Variants in ULK4 observed in about 807,000 individuals in gnomAD.
The protein encoded by ULK4 is unc-51 like kinase 4.
A neutral mutation model predicts 160.6 loss-of-function variants in ULK4; 133 were observed. The observed-to-expected ratio is 0.83, with a 90% CI of 0.72 to 0.96. The LOEUF (loss-of-function observed/expected upper bound fraction) is 0.96. Ranked by LOEUF, ULK4 falls within the 40% of genes least tolerant of loss-of-function variation. ULK4 has a pLI of 0.00. For missense variants in ULK4, 1,580 were observed against 1,499.5 expected (o/e 1.05, Z -0.89); for synonymous variants, 534 against 539.8 (o/e 0.99, Z 0.15).
At chr3:41,421,105 A>C (rs1217244210) in intron 34 of ULK4, among the ~76,000 whole-genome samples, 1 of 142,360 alleles carries the variant, frequency 7.0e-6, no homozygotes, top group African/African-American at 2.8e-5. Flanking sequence ...CAAATAAGTG[A>C]GACCCCATCT....
intron 19 of ULK4, among the ~76,000 whole-genome samples, chr3:41,814,699 T>C (rs1245235706): frequency 6.6e-6 from 1 of 152,114 alleles, no homozygotes; most frequent in East Asian, 1.9e-4. Flanking sequence ...TTTCCCTTGG[T>C]TTATTATAAT....
intron 35 of ULK4, among the ~76,000 whole-genome samples, chr3:41,283,457 C>A (rs1213049956): frequency 6.6e-6 from 1 of 152,150 alleles, no homozygotes; most frequent in Non-Finnish European, 1.5e-5. Context: ...CCATGGAATA[C>A]TATGCAGCCA....
At chr3:41,754,636 C>A (rs1313359849) in intron 21 of ULK4, 148 bp from the exon 22 acceptor site, 2 of 628,102 alleles carry the variant, frequency 3.2e-6, no homozygotes, top group Non-Finnish European at 4.7e-6. Context: ...TGTGCCAGAT[C>A]CCATAACTAA....
chr3:41,335,964 C>T (rs1309797249), intron 35 of ULK4, among the ~76,000 whole-genome samples: 3 of 152,196 alleles, frequency 2.0e-5, no homozygotes, highest in Admixed American at 1.3e-4. Context: ...GCCACAGCCA[C>T]AAGCCTGTCC....
At chr3:41,902,781 T>C (rs1252537257) in intron 12 of ULK4, among the ~76,000 whole-genome samples, 1 of 152,188 alleles carries the variant, frequency 6.6e-6, no homozygotes, top group South Asian at 2.1e-4. Flanking sequence ...AACTTAACAT[T>C]GCTGCTTGTT....
chr3:41,839,714 T>C lies in ULK4; in HGVS notation c.1657-3743A>G, dbSNP rs531400634. Among the ~76,000 whole-genome samples, 140 of 152,162 alleles carry C rather than the reference T, an allele frequency of 9.2e-4. 1 individual carries two copies. The highest frequency in any genetic ancestry group is 2.9e-3 in the African/African-American group (119 of 41,544). On this transcript the variant is annotated intron_variant, in intron 17 of 36. Coordinates refer to ENST00000301831, the MANE Select transcript of ULK4 (RefSeq NM_017886.4). ...AAAGAGTCTAAAGAAAAAAACTCCC[T>C]AGAACTAGTGAGTTCTGCAAGGTCA...
chr3:41,421,771 TGAAAATGAACCAGG>T (rs779673959), intron 34 of ULK4, among the ~76,000 whole-genome samples: 20 of 152,190 alleles, frequency 1.3e-4, no homozygotes, highest in Non-Finnish European at 2.6e-4. Context: ...TATAGCTTCA[TGAAAATGAACCAGG>T]AAGCTTTAAC....
chr3:41,890,278 A>G (rs76276404), intron 16 of ULK4, among the ~76,000 whole-genome samples: 18,897 of 152,260 alleles, frequency 0.12, 1,352 homozygotes, highest in Middle Eastern at 0.27. Context: ...AAGAAAATTT[A>G]AAAGAAAAGT....
At chr3:41,738,780 A>G (rs2038139209) in intron 22 of ULK4, among the ~76,000 whole-genome samples, 1 of 151,970 alleles carries the variant, frequency 6.6e-6, no homozygotes, top group African/African-American at 2.4e-5. Flanking sequence ...AAGAGGTAAA[A>G]CATACCACCT....
intron 18 of ULK4, among the ~76,000 whole-genome samples, chr3:41,829,537 T>C (rs1340348768): frequency 6.6e-6 from 1 of 151,816 alleles, no homozygotes; most frequent in Non-Finnish European, 1.5e-5. Flanking sequence ...AAAAGACACA[T>C]GAAAAAATGC....
At chr3:41,470,830 G>A (rs994909093) in intron 32 of ULK4, among the ~76,000 whole-genome samples, 6 of 152,064 alleles carry the variant, frequency 3.9e-5, no homozygotes, top group Non-Finnish European at 8.8e-5. Context: ...AAATAAAAAT[G>A]TATAGTAGAC....
chr3:41,654,685 G>A (rs1164691972), intron 30 of ULK4, among the ~76,000 whole-genome samples: 8 of 152,160 alleles, frequency 5.3e-5, no homozygotes, highest in African/African-American at 9.6e-5. Flanking sequence ...TTATGCTTGC[G>A]TTATCCCGTG....
chr3:41,505,262 C>G (rs1270663122), intron 32 of ULK4, among the ~76,000 whole-genome samples: 1 of 152,070 alleles, frequency 6.6e-6, no homozygotes, highest in Non-Finnish European at 1.5e-5. Flanking sequence ...TTGCGAACAC[C>G]CAGAATCCTC....
intron 25 of ULK4, among the ~76,000 whole-genome samples, chr3:41,709,532 G>A (rs949214880): frequency 2.0e-5 from 3 of 151,988 alleles, no homozygotes; most frequent in Non-Finnish European, 2.9e-5. Flanking sequence ...GACTACAGGC[G>A]CGCGCCACCA....
At chr3:41,946,626 T>A (rs1700119309) in intron 2 of ULK4, among the ~76,000 whole-genome samples, 1 of 152,234 alleles carries the variant, frequency 6.6e-6, no homozygotes, top group Non-Finnish European at 1.5e-5. Context: ...TGGAAAGGCA[T>A]CAGTTTACCA....
intron 32 of ULK4, among the ~76,000 whole-genome samples, chr3:41,474,589 T>C (rs566337311): frequency 6.6e-6 from 1 of 151,540 alleles, no homozygotes; most frequent in South Asian, 2.1e-4. Flanking sequence ...TGAGAGAAAA[T>C]ATGTGCAAGC....
intron 22 of ULK4, among the ~76,000 whole-genome samples, chr3:41,725,942 C>A (rs1204698886): frequency 1.3e-5 from 2 of 152,070 alleles, no homozygotes; most frequent in East Asian, 3.9e-4. Flanking sequence ...TTTGGGAAAT[C>A]CTCTATATCA....
At chr3:41,492,108 C>A (rs9877186) in intron 32 of ULK4, among the ~76,000 whole-genome samples, 57,457 of 144,496 alleles carry the variant, frequency 0.4, 11,993 homozygotes, top group African/African-American at 0.43. Flanking sequence ...ATATGTGACA[C>A]ATTTTCTTAA....
chr3:41,708,403 T>C (rs903641298), intron 25 of ULK4, among the ~76,000 whole-genome samples: 2 of 152,152 alleles, frequency 1.3e-5, no homozygotes, highest in Non-Finnish European at 2.9e-5. Flanking sequence ...GAGAACATTA[T>C]GTAAGTGAAA....
Sources: allele counts gnomAD v4.1 joint callset (sites outside exome capture counted in the v4.1 genomes callset), GRCh38; gene constraint gnomAD v4.1.1; transcripts MANE v1.5; gene names NCBI Gene and HGNC (gene_info 2026-07-23, HGNC 2026-07-21).